ASAP1: variants seen among roughly 807,000 people sequenced by gnomAD.
ASAP1 encodes ArfGAP with SH3 domain, ankyrin repeat and PH domain 1.
In ASAP1, 43 loss-of-function variants were observed where a neutral mutation model predicts 145.2. That is an observed-to-expected ratio of 0.30 (90% confidence interval 0.23 to 0.38). The LOEUF is 0.38. Ranked by LOEUF, ASAP1 falls within the 10% of genes least tolerant of loss-of-function variation. ASAP1 has a pLI of 1.00. For missense variants in ASAP1, 1,018 were observed against 1,355.3 expected (o/e 0.75, Z 3.91); for synonymous variants, 546 against 515.5 (o/e 1.06, Z -0.80).
intron 9 of ASAP1, among the ~76,000 whole-genome samples, chr8:130,177,515 T>C (rs1565054317): frequency 6.6e-6 from 1 of 152,092 alleles, no homozygotes; most frequent in Non-Finnish European, 1.5e-5. Flanking sequence ...AATACTAAAA[T>C]CAGGGACCAT....
chr8:130,276,724 ACACACTCT>A (rs1264575349), intron 3 of ASAP1, among the ~76,000 whole-genome samples: 8 of 102,544 alleles, frequency 7.8e-5, no homozygotes, highest in African/African-American at 1.7e-4. Flanking sequence ...ACACACACAC[ACACACTCT>A]CTCTCTCTCT....
intron 5 of ASAP1, among the ~76,000 whole-genome samples, chr8:130,193,879 G>A (rs1196742960): frequency 6.6e-6 from 1 of 152,138 alleles, no homozygotes; most frequent in Non-Finnish European, 1.5e-5. Flanking sequence ...AAGCAGATAT[G>A]GGGTCTTCCC....
At chr8:130,070,866 GGAGAGAGAGGGAGAGAGGGAGA>G (rs2097442590) in intron 27 of ASAP1, among the ~76,000 whole-genome samples, 1 of 3,206 alleles carries the variant, frequency 3.1e-4, no homozygotes, top group African/African-American at 1.7e-3. Context: ...AGGGAGAGAG[GGAGAGAGAGGGAGAGAGGGAGA>G]GAGGGAGAGA....
At chr8:130,264,044 A>G (rs938180211) in intron 3 of ASAP1, among the ~76,000 whole-genome samples, 2 of 152,334 alleles carry the variant, frequency 1.3e-5, no homozygotes, top group Admixed American at 6.5e-5. Context: ...CAACTGGAAA[A>G]GGCAGAGGAT....
intron 4 of ASAP1, among the ~76,000 whole-genome samples, chr8:130,229,120 C>T (rs1817760286): frequency 6.6e-6 from 1 of 152,170 alleles, no homozygotes; most frequent in African/African-American, 2.4e-5. Context: ...TCAATGAAAA[C>T]CAGTTCAGAA....
intron 27 of ASAP1, among the ~76,000 whole-genome samples, chr8:130,066,547 C>G (rs1418188693): frequency 6.6e-6 from 1 of 152,034 alleles, no homozygotes; most frequent in Non-Finnish European, 1.5e-5. Context: ...CCTTCCCTTT[C>G]TTTTCTTTCT....
chr8:130,267,293 A>T (rs1427427597), intron 3 of ASAP1, among the ~76,000 whole-genome samples: 1 of 152,190 alleles, frequency 6.6e-6, no homozygotes, highest in Non-Finnish European at 1.5e-5. Context: ...AACAAGAGTA[A>T]CAAGAGCTAT....
At chr8:130,375,312 A>G (rs1827431982) in intron 2 of ASAP1, among the ~76,000 whole-genome samples, 1 of 151,960 alleles carries the variant, frequency 6.6e-6, no homozygotes, top group East Asian at 1.9e-4. Context: ...ATGGAGAGTG[A>G]GACCCTGGAG....
chr8:130,339,543 G>C (rs1825247643), intron 3 of ASAP1, among the ~76,000 whole-genome samples: 1 of 152,102 alleles, frequency 6.6e-6, no homozygotes, highest in South Asian at 2.1e-4. Context: ...TCCACTTGAA[G>C]GCAGTGCTCT....
intron 2 of ASAP1, among the ~76,000 whole-genome samples, chr8:130,376,430 A>AAAAAC (rs113593640): frequency 6.6e-6 from 1 of 151,576 alleles, no homozygotes; most frequent in South Asian, 2.1e-4. Flanking sequence ...TTGCTTCCTT[A>AAAAAC]AAAACAAAAC....
chr8:130,345,278 C>T (rs1298454965), intron 3 of ASAP1, among the ~76,000 whole-genome samples: 1 of 152,164 alleles, frequency 6.6e-6, no homozygotes, highest in Non-Finnish European at 1.5e-5. Flanking sequence ...GAGGTCAATA[C>T]TTTTTGAAAA....
At chr8:130,331,049 G>A (rs1372723721) in intron 3 of ASAP1, among the ~76,000 whole-genome samples, 1 of 152,022 alleles carries the variant, frequency 6.6e-6, no homozygotes, top group East Asian at 1.9e-4. Flanking sequence ...TCCCCCAGCT[G>A]CAAAAAGGGA....
At chr8:130,271,451 A>T (rs977173755) in intron 3 of ASAP1, among the ~76,000 whole-genome samples, 5 of 152,238 alleles carry the variant, frequency 3.3e-5, no homozygotes, top group African/African-American at 1.2e-4. Context: ...TTTGATAAGA[A>T]GATTATTTAC....
intron 27 of ASAP1, among the ~76,000 whole-genome samples, chr8:130,072,149 A>T (rs897602282): frequency 6.6e-6 from 1 of 152,204 alleles, no homozygotes; most frequent in Non-Finnish European, 1.5e-5. Flanking sequence ...AGCCAAGAGG[A>T]CAGGGTTCAG....
intron 2 of ASAP1, among the ~76,000 whole-genome samples, chr8:130,377,971 G>A (rs1362356981): frequency 1.3e-5 from 2 of 152,076 alleles, no homozygotes; most frequent in African/African-American, 4.8e-5. Context: ...TTTCCTCCTG[G>A]GACCCTGACT....
intron 24 of ASAP1, among the ~76,000 whole-genome samples, chr8:130,095,989 T>C (rs749218490): frequency 3.9e-5 from 6 of 152,170 alleles, no homozygotes; most frequent in Non-Finnish European, 8.8e-5. Flanking sequence ...TGGGGAGAAT[T>C]AGCAGGAGGG....
chr8:130,181,947 C>T (rs765264202), intron 7 of ASAP1, among the ~76,000 whole-genome samples: 191 of 152,326 alleles, frequency 1.3e-3, no homozygotes, highest in East Asian at 7.7e-4. Flanking sequence ...AGCCAACATC[C>T]TTACCTATAC....
chr8:130,344,543 G>T (rs944121736), intron 3 of ASAP1, among the ~76,000 whole-genome samples: 1 of 152,088 alleles, frequency 6.6e-6, no homozygotes, highest in African/African-American at 2.4e-5. Context: ...GTTACATGTC[G>T]CTCTGCTATT....
At chr8:130,330,173 CAGAG>C (rs936488141) in intron 3 of ASAP1, among the ~76,000 whole-genome samples, 2 of 152,192 alleles carry the variant, frequency 1.3e-5, no homozygotes, top group Non-Finnish European at 2.9e-5. Flanking sequence ...CCCACAAAGA[CAGAG>C]AGAGAGATTG....
Sources: allele counts gnomAD v4.1 joint callset (sites outside exome capture counted in the v4.1 genomes callset), GRCh38; gene constraint gnomAD v4.1.1; transcripts MANE v1.5; gene names NCBI Gene and HGNC (gene_info 2026-07-23, HGNC 2026-07-21).